Variants in KAZN observed in about 807,000 individuals in gnomAD.
The protein encoded by KAZN is kazrin, periplakin interacting protein.
KAZN carries 40 observed loss-of-function variants against 87.4 expected under a neutral mutation model. That is an observed-to-expected ratio of 0.46 (90% confidence interval 0.36 to 0.60). KAZN has a LOEUF of 0.60. Ranked by LOEUF, KAZN falls within the 20% of genes least tolerant of loss-of-function variation. The pLI is 0.00. For missense variants in KAZN, 898 were observed against 1,073.9 expected (o/e 0.84, Z 2.29); for synonymous variants, 466 against 458.3 (o/e 1.02, Z -0.22).
At chr1:14,276,916 T>TAACA (rs1187428743) in intron 2 of KAZN, among the ~76,000 whole-genome samples, 1 of 152,250 alleles carries the variant, frequency 6.6e-6, no homozygotes, top group Non-Finnish European at 1.5e-5. Flanking sequence ...TGTAGTTTTC[T>TAACA]AACACTTCAT....
At chr1:14,158,295 T>C (rs1234080316) in intron 1 of KAZN, among the ~76,000 whole-genome samples, 2 of 152,172 alleles carry the variant, frequency 1.3e-5, no homozygotes, top group African/African-American at 2.4e-5. Flanking sequence ...TGTTTTTTAT[T>C]CTTTTTTCTT....
intron 8 of KAZN, among the ~76,000 whole-genome samples, chr1:15,091,677 G>T (rs1027989720): frequency 1.3e-5 from 2 of 152,186 alleles, no homozygotes; most frequent in Admixed American, 6.5e-5. Context: ...GTAGGTGGTG[G>T]ATGTTTTCCC....
intron 1 of KAZN, among the ~76,000 whole-genome samples, chr1:14,146,778 C>T (rs1471931576): frequency 6.7e-6 from 1 of 148,822 alleles, no homozygotes; most frequent in African/African-American, 2.5e-5. Flanking sequence ...GGTAACCTTT[C>T]ATTTTTTCCT....
At chr1:14,454,044 G>A (rs1667428762) in intron 2 of KAZN, among the ~76,000 whole-genome samples, 1 of 152,192 alleles carries the variant, frequency 6.6e-6, no homozygotes, top group Non-Finnish European at 1.5e-5. Context: ...CAGGCAATGA[G>A]CCTTTTCTTT....
At chr1:14,981,584 T>C (rs1472559892) in intron 2 of KAZN, among the ~76,000 whole-genome samples, 1 of 152,244 alleles carries the variant, frequency 6.6e-6, no homozygotes. Context: ...GCAGGTTTGC[T>C]GCGGAAGCAG....
intron 1 of KAZN, among the ~76,000 whole-genome samples, chr1:13,905,781 T>C (rs1003440037): frequency 6.6e-6 from 1 of 152,232 alleles, no homozygotes; most frequent in Non-Finnish European, 1.5e-5. Context: ...TTTTTTTTGT[T>C]AGTTTGTTTT....
chr1:14,382,596 A>C (rs995723404), intron 2 of KAZN, among the ~76,000 whole-genome samples: 31 of 148,572 alleles, frequency 2.1e-4, no homozygotes, highest in African/African-American at 7.7e-4. Context: ...GCGATAGTTT[A>C]CTGAGAATGA....
rs1279272559 is a variant in KAZN, at chr1:14,899,863, C to T, written c.227-60821C>T. ...CCCTTCGTAACTCTGCGTTTTTGCT[C>T]TGGGCATTCAGAGTGGCAGGTTCCT... On this transcript the variant is annotated intron_variant, in intron 1 of 14. Transcript: ENST00000376030. Among the ~76,000 whole-genome samples, 15 of 152,226 alleles carry T rather than the reference C, an allele frequency of 9.9e-5. No individual in the cohort carries two copies. The East Asian group carries it at 2.9e-3, about 29-fold the overall frequency.
At chr1:13,955,361 G>A (rs1641505831) in intron 1 of KAZN, among the ~76,000 whole-genome samples, 1 of 152,074 alleles carries the variant, frequency 6.6e-6, no homozygotes, top group Admixed American at 6.5e-5. Context: ...ATTTTACTGT[G>A]TAAAGTGGCC....
chr1:14,335,116 C>A (rs937643340), intron 2 of KAZN, among the ~76,000 whole-genome samples: 5 of 150,294 alleles, frequency 3.3e-5, no homozygotes, highest in Non-Finnish European at 5.9e-5. Context: ...GCCCCCCCCC[C>A]ACCACCCCAG....
At chr1:15,041,771 C>G (rs1672958229) in intron 3 of KAZN, among the ~76,000 whole-genome samples, 1 of 152,092 alleles carries the variant, frequency 6.6e-6, no homozygotes, top group African/African-American at 2.4e-5. Context: ...ACCCCCAACC[C>G]CCTTCCAGTT....
chr1:14,809,818 A>G (rs1487956198), intron 1 of KAZN, among the ~76,000 whole-genome samples: 1 of 152,142 alleles, frequency 6.6e-6, no homozygotes, highest in Non-Finnish European at 1.5e-5. Context: ...ATGTCACCCC[A>G]TCACAGGCCA....
chr1:14,941,553 G>GA (rs1286906088), intron 1 of KAZN, among the ~76,000 whole-genome samples: 25 of 135,652 alleles, frequency 1.8e-4, no homozygotes, highest in African/African-American at 6.7e-4. Context: ...TGGGGGGTGG[G>GA]ATGGGGGTGT....
At chr1:14,612,791 C>A (rs1349636544) in intron 1 of KAZN, among the ~76,000 whole-genome samples, 4 of 152,114 alleles carry the variant, frequency 2.6e-5, no homozygotes, top group African/African-American at 9.7e-5. Context: ...GCCAAATGTC[C>A]TTTTGGGGAT....
At chr1:14,353,101 G>A (rs1336748438) in intron 2 of KAZN, among the ~76,000 whole-genome samples, 3 of 152,148 alleles carry the variant, frequency 2.0e-5, no homozygotes, top group African/African-American at 4.8e-5. Flanking sequence ...AGTTGGAGAC[G>A]AGTCAAGGGA....
intron 2 of KAZN, among the ~76,000 whole-genome samples, chr1:14,556,904 T>G (rs1372842839): frequency 6.6e-6 from 1 of 152,178 alleles, no homozygotes; most frequent in Non-Finnish European, 1.5e-5. Context: ...CTGGCTTGCT[T>G]TAAGGAACAG....
chr1:14,841,330 CGGGAG>C (rs1557544780), intron 1 of KAZN, among the ~76,000 whole-genome samples: 1 of 144,276 alleles, frequency 6.9e-6, no homozygotes, highest in African/African-American at 2.6e-5. Context: ...GGTGTGAACC[CGGGAG>C]GCGGAGCTTG....
Position 14,325,176 on chromosome 1 carries a change from CCTCT to C in KAZN, c.249+144595_249+144598del, listed in dbSNP as rs140069030. On this transcript the variant is annotated intron_variant, in intron 2 of 16. Coordinates refer to the KAZN transcript ENST00000636203. ...ACATGTTGTGTGTGTTTGTGCTCTC[CCTCT>C]CTCTCTCTCTTTTTCACCTCGGATA... Among the ~76,000 whole-genome samples, 633 of 151,392 alleles carry C rather than the reference CCTCT, an allele frequency of 4.2e-3. 2 individuals carry two copies. Among genetic ancestry groups the C allele is most frequent in the African/African-American group, 0.014 (567 of 41,366 alleles).
chr1:14,598,642 A>C, upstream of KAZN: 75 of 1,122,682 alleles, frequency 6.7e-5, no homozygotes, highest in East Asian at 3.9e-4. The surrounding 1 kb of genome is among the most constrained non-coding windows in gnomAD (Gnocchi z 4.2). Context: ...CCGGCGGCGA[A>C]TGGTAGGCTC....
Sources: allele counts gnomAD v4.1 joint callset (sites outside exome capture counted in the v4.1 genomes callset), GRCh38; gene constraint gnomAD v4.1.1; non-coding constraint Gnocchi (gnomAD v3.1); transcripts MANE v1.5; gene names NCBI Gene and HGNC (gene_info 2026-07-23, HGNC 2026-07-21).